ASTN2: variants seen among roughly 807,000 people sequenced by gnomAD.
ASTN2 encodes the protein astrotactin-2.
ASTN2 carries 54 observed loss-of-function variants against 139.8 expected under a neutral mutation model. The ratio of observed to expected loss-of-function variants is 0.39; its 90% confidence interval spans 0.31 to 0.48. ASTN2 has a LOEUF of 0.48. Ranked by LOEUF, ASTN2 falls within the 20% of genes least tolerant of loss-of-function variation. The pLI is 0.95. For synonymous variants in ASTN2, 756 were observed against 719.5 expected (o/e 1.05, Z -0.81); for missense variants, 1,565 against 1,725.1 (o/e 0.91, Z 1.64).
At chr9:117,310,406 G>A (rs1827937168) in intron 1 of ASTN2, among the ~76,000 whole-genome samples, 1 of 152,090 alleles carries the variant, frequency 6.6e-6, no homozygotes, top group South Asian at 2.1e-4. Context: ...CCTCTTCCTT[G>A]GCGCTCGTCT....
chr9:116,599,734 T>G (rs1479907731), intron 19 of ASTN2, among the ~76,000 whole-genome samples: 1 of 152,090 alleles, frequency 6.6e-6, no homozygotes, highest in African/African-American at 2.4e-5. Flanking sequence ...TGAGACAAAA[T>G]GAAGTAATTA....
chr9:116,464,083 G>C (rs756320592), intron 20 of ASTN2, among the ~76,000 whole-genome samples: 2 of 151,920 alleles, frequency 1.3e-5, no homozygotes, highest in Non-Finnish European at 2.9e-5. Context: ...CTGACACATA[G>C]CAGAGGAGTA....
rs183139924 is a variant in ASTN2 at position 116,784,870 on chromosome 9, G to C, written c.2396+20762C>G. 1.8e-4 allele frequency among the ~76,000 whole-genome samples: 27 copies of C among 150,782 alleles called. 1 individual carries two copies. The highest frequency in any genetic ancestry group is 1.7e-3 in the Admixed American group (26 of 15,122). On this transcript the variant is annotated intron_variant, in intron 13 of 22. Coordinates refer to ENST00000313400, the MANE Select transcript of ASTN2 (RefSeq NM_001365068.1). ...CTTGAACCAGGGAGGTGGAGGTTGC[G>C]GTGAGCTGAGATTGCACCATTGCAC...
intron 16 of ASTN2, among the ~76,000 whole-genome samples, chr9:116,725,174 G>A (rs887922050): frequency 6.6e-6 from 1 of 152,170 alleles, no homozygotes; most frequent in African/African-American, 2.4e-5. Context: ...TTCACAAGGT[G>A]AGTGGGCAGA....
intron 7 of ASTN2, among the ~76,000 whole-genome samples, chr9:116,978,522 C>CAGAG (rs55707665): frequency 1.2e-4 from 18 of 150,388 alleles, no homozygotes; most frequent in South Asian, 4.2e-4. Context: ...CACACACACA[C>CAGAG]AGAGAGATAA....
At chr9:117,069,229 A>G in intron 5 of ASTN2, among the ~76,000 whole-genome samples, 1 of 96,464 alleles carries the variant, frequency 1.0e-5, no homozygotes. Flanking sequence ...CGTTGGTTTC[A>G]AAGAACATCT....
chr9:117,081,365 GCCC>G (rs1828423209), intron 5 of ASTN2, among the ~76,000 whole-genome samples: 1 of 151,878 alleles, frequency 6.6e-6, no homozygotes, highest in African/African-American at 2.4e-5. Context: ...CATACCCTCA[GCCC>G]CTTCACTTTC....
At chr9:117,354,122 C>G (rs1829468297) in intron 1 of ASTN2, among the ~76,000 whole-genome samples, 1 of 152,134 alleles carries the variant, frequency 6.6e-6, no homozygotes. Flanking sequence ...GATACTGGGA[C>G]AGGCTATGTG....
At chr9:116,562,892 T>C (rs564600197) in intron 19 of ASTN2, among the ~76,000 whole-genome samples, 6 of 152,222 alleles carry the variant, frequency 3.9e-5, no homozygotes, top group Admixed American at 2.0e-4. Context: ...TAATAAATAT[T>C]CATTCAGTGC....
chr9:116,766,483 ACAC>A (rs1187634731), intron 13 of ASTN2, among the ~76,000 whole-genome samples: 1 of 151,802 alleles, frequency 6.6e-6, no homozygotes, highest in Non-Finnish European at 1.5e-5. Flanking sequence ...CACATCACAC[ACAC>A]AAGCACACAC....
intron 19 of ASTN2, among the ~76,000 whole-genome samples, chr9:116,602,862 A>G (rs1012942949): frequency 3.3e-5 from 5 of 151,802 alleles, no homozygotes; most frequent in Non-Finnish European, 4.4e-5. Flanking sequence ...CCAGGGAGGC[A>G]GAGGTTACAG....
At chr9:116,818,078 A>T (rs1352868767) in intron 12 of ASTN2, among the ~76,000 whole-genome samples, 1 of 152,076 alleles carries the variant, frequency 6.6e-6, no homozygotes, top group African/African-American at 2.4e-5. Context: ...ATAAAATGGG[A>T]ATCATAATAG....
At chr9:117,227,533 T>C (rs185482661) in intron 2 of ASTN2, among the ~76,000 whole-genome samples, 10 of 152,286 alleles carry the variant, frequency 6.6e-5, no homozygotes, top group South Asian at 2.1e-4. Flanking sequence ...AGTAAATAGA[T>C]AGATGTCTCT....
intron 19 of ASTN2, chr9:116,545,855 ATC>A (rs1852069583): frequency 6.6e-6 from 1 of 152,230 alleles, no homozygotes; most frequent in African/African-American, 2.4e-5. Flanking sequence ...AGTCATTTGC[ATC>A]TCTCTGAGTC....
chr9:116,794,049 T>G (rs1034694086), intron 13 of ASTN2, among the ~76,000 whole-genome samples: 1 of 150,600 alleles, frequency 6.6e-6, no homozygotes, highest in African/African-American at 2.4e-5. Flanking sequence ...CTAACATCAA[T>G]AATAGCTGAT....
chr9:116,985,489 G>A (rs1209051972), intron 7 of ASTN2, among the ~76,000 whole-genome samples: 1 of 152,194 alleles, frequency 6.6e-6, no homozygotes, highest in Non-Finnish European at 1.5e-5. Flanking sequence ...GGCCCCATCA[G>A]GGCCCCTGCT....
intron 3 of ASTN2, among the ~76,000 whole-genome samples, chr9:117,193,165 C>T (rs1300262727): frequency 1.3e-5 from 2 of 152,160 alleles, no homozygotes; most frequent in Non-Finnish European, 2.9e-5. Flanking sequence ...GCAATCCTGT[C>T]TCCCCCTGTG....
intron 4 of ASTN2, among the ~76,000 whole-genome samples, chr9:117,106,289 C>G (rs868605576): frequency 6.6e-6 from 1 of 151,938 alleles, no homozygotes; most frequent in South Asian, 2.1e-4. Context: ...TGCAGTAGCG[C>G]AATCTCGGCT....
chr9:116,788,518 G>T (rs1008529037), intron 13 of ASTN2, among the ~76,000 whole-genome samples: 1 of 152,096 alleles, frequency 6.6e-6, no homozygotes, highest in Non-Finnish European at 1.5e-5. Flanking sequence ...ACATCCAAGT[G>T]TCAGAAAGAT....
Sources: gnomAD v4.1 joint callset for allele counts (sites outside exome capture counted in the v4.1 genomes callset) on GRCh38, gnomAD v4.1.1 for gene constraint, MANE v1.5 for transcripts, NCBI Gene and HGNC (gene_info 2026-07-23, HGNC 2026-07-21) for gene names.